Variants in KDM5A observed in about 807,000 individuals in gnomAD.
KDM5A encodes the protein lysine demethylase 5A, also known as lysine-specific demethylase 5A.
In KDM5A, 42 loss-of-function variants were observed where a neutral mutation model predicts 193.5. That is an observed-to-expected ratio of 0.22 (90% CI 0.17 to 0.28). The LOEUF is 0.28. Among genes scored for constraint, KDM5A ranks in the 10% least tolerant of loss-of-function variants. KDM5A has a pLI of 1.00. For synonymous variants in KDM5A, 796 were observed against 718.1 expected (o/e 1.11, Z -1.73); for missense variants, 1,692 against 2,055.1 (o/e 0.82, Z 3.42).
intron 2 of KDM5A, among the ~76,000 whole-genome samples, chr12:385,373 C>T (rs1010103117): frequency 6.6e-6 from 1 of 151,650 alleles, no homozygotes; most frequent in African/African-American, 2.4e-5. Flanking sequence ...CGTACACTTC[C>T]ATTTAGAAAA....
Position 357,827 on chromosome 12 carries a change from C to CAAAAAAAAAAA in KDM5A, c.673-1301_673-1291dup, listed in dbSNP as rs61577928. ...TGGGCGACAGAGCAAGACTCAGTCTCAAAAAAAAAAAAAAAAAAAAAAAAA... is the reference window on the plus strand; with the variant it reads ...TGGGCGACAGAGCAAGACTCAGTCTCAAAAAAAAAAAAAAAAAAAAAAAAAAAAAAAAAAAA... On this transcript the variant is annotated intron_variant, in intron 5 of 27. Coordinates refer to ENST00000399788, the MANE Select transcript of KDM5A (RefSeq NM_001042603.3). Among the ~76,000 whole-genome samples, 209 of 29,856 alleles carry CAAAAAAAAAAA rather than the reference C, an allele frequency of 7.0e-3. 56 individuals are homozygous for CAAAAAAAAAAA. Among genetic ancestry groups the CAAAAAAAAAAA allele is most frequent in the African/African-American group, 0.017 (85 of 4,978 alleles). 19.6% of individuals were successfully genotyped at this position (29,856 alleles called of 152,430 possible).
chr12:318,086 T>C lies in KDM5A; in HGVS notation c.2897+20A>G, dbSNP rs982099796. 1.3e-6 allele frequency: 2 copies of C among 1,580,840 alleles called. No individual in the cohort carries two copies. Among genetic ancestry groups the C allele is most frequent in the Non-Finnish European group, 1.7e-6 (2 of 1,149,678 alleles). On this transcript the variant is annotated intron_variant, in intron 19 of 27. Transcript: ENST00000399788. ...CTGACTTAGTTGTTAAAGAGGCAAC[T>C]GTCACCAAAATGTGTTCACCTTGCC...
Position 331,847 on chromosome 12 carries a change from T to C in KDM5A, c.1745A>G (p.Glu582Gly). ...SGFNQGYNFA[E>G]AVNFCTADWL... The stretch of plus-strand genomic sequence containing the variant: ...GTCAGCAGTACAGAAGTTCACAGCT[T>C]CAGCAAAGTTGTAGCCCTGGTTAAA... The change falls in exon 13 of 28, where the codon GAA becomes GGA. Residue 582 changes from glutamate to glycine, a missense_variant. Glu to Gly is a moderately conservative substitution (Grantham distance 98, BLOSUM62 -2). Transcript: ENST00000399788. The C allele has an allele frequency of 6.2e-7, 1 of 1,614,052 alleles. No individual in the cohort carries two copies. Among genetic ancestry groups the C allele is most frequent in the Non-Finnish European group, 8.5e-7 (1 of 1,179,954 alleles).
At position 374,774 on chromosome 12, in the gene KDM5A, G is replaced by A. The variant is rs539727868; in HGVS notation, c.367-8670C>T. Among the ~76,000 whole-genome samples, 3 of 152,246 alleles carry A rather than the reference G, an allele frequency of 2.0e-5. No homozygotes were observed. The East Asian group carries it at 5.8e-4, about 29-fold the overall frequency. On this transcript the variant is annotated intron_variant, in intron 3 of 27. Coordinates refer to ENST00000399788, the MANE Select transcript of KDM5A (RefSeq NM_001042603.3). The stretch of plus-strand genomic sequence containing the variant: ...GCTCTTGTAGGGCAGGCCTGGTGGT[G>A]ACAAAATCTCTCAGCATTTGCTTGT...
At chr12:369,238 C>A (rs1944395725) in intron 3 of KDM5A, among the ~76,000 whole-genome samples, 1 of 152,126 alleles carries the variant, frequency 6.6e-6, no homozygotes, top group South Asian at 2.1e-4. Context: ...GAGAAAGACA[C>A]AATGAAAATG....
intron 4 of KDM5A, 123 bp from the exon 5 acceptor site, chr12:363,220 T>C: frequency 8.9e-7 from 1 of 1,118,116 alleles, no homozygotes; most frequent in Non-Finnish European, 1.3e-6. Flanking sequence ...TTTCTCAAAC[T>C]GACATACAGC....
In KDM5A at chr12:388,905, C is replaced by T. The variant is rs150154719; in HGVS notation, c.165+22G>A. 1.2e-3 allele frequency: 1,923 copies of T among 1,614,006 alleles called. 10 individuals carry two copies. The Middle Eastern group carries it at 0.017, about 14-fold the overall frequency. On this transcript the variant is annotated intron_variant, in intron 1 of 27. Transcript: ENST00000399788. ...CTCCCCCATTCTTCCTTCTCCCCCT[C>T]TCTCTTCACAGACTGAGGTACCTTG...
At chr12:308,148 G>A in intron 22 of KDM5A, 143 bp from the exon 23 acceptor site, 2 of 804,468 alleles carry the variant, frequency 2.5e-6, no homozygotes, top group Non-Finnish European at 4.1e-6. Flanking sequence ...CGGTTTCCAT[G>A]CAAACATTCC....
At chr12:319,390 C>A (rs899827195) in intron 18 of KDM5A, among the ~76,000 whole-genome samples, 1 of 152,132 alleles carries the variant, frequency 6.6e-6, no homozygotes, top group Non-Finnish European at 1.5e-5. Context: ...GAGGTAATAG[C>A]AGCCAGCACT....
chr12:384,885 T>C (rs1471020090), intron 2 of KDM5A, among the ~76,000 whole-genome samples: 2 of 152,066 alleles, frequency 1.3e-5, no homozygotes, highest in Non-Finnish European at 2.9e-5. Context: ...TACAAGAGAC[T>C]AAAAAGAAAA....
chr12:360,564 A>T (rs1944281752), intron 5 of KDM5A, among the ~76,000 whole-genome samples: 1 of 152,204 alleles, frequency 6.6e-6, no homozygotes, highest in Non-Finnish European at 1.5e-5. Flanking sequence ...TTAAGATATG[A>T]AATGAAAAGG....
chr12:362,946 G>A lies in KDM5A; in HGVS notation c.672+17C>T. On this transcript the variant is annotated intron_variant, in intron 5 of 27. Transcript: ENST00000399788. Reference sequence around the variant, plus strand: ...CATCTTTATTTAAAAATTTAAAAAAGCCCAAGACATTGATACCTGAGTCTT... The same window carrying A: ...CATCTTTATTTAAAAATTTAAAAAAACCCAAGACATTGATACCTGAGTCTT... 6.2e-7 allele frequency: 1 copy of A among 1,612,992 alleles called. No individual in the cohort carries two copies. Among genetic ancestry groups the A allele is most frequent in the Non-Finnish European group, 8.5e-7 (1 of 1,179,018 alleles).
At chr12:363,486 C>T (rs1171564736) in intron 4 of KDM5A, among the ~76,000 whole-genome samples, 1 of 152,106 alleles carries the variant, frequency 6.6e-6, no homozygotes, top group African/African-American at 2.4e-5. Flanking sequence ...AACTGATCTC[C>T]AACAATGGTG....
At chr12:370,218 C>A (rs997377897) in intron 3 of KDM5A, among the ~76,000 whole-genome samples, 11 of 152,050 alleles carry the variant, frequency 7.2e-5, no homozygotes, top group Non-Finnish European at 1.5e-4. Flanking sequence ...CATGGTGAAA[C>A]CCTGTCTCTA....
At chr12:387,890 T>C (rs1305389701) in intron 1 of KDM5A, among the ~76,000 whole-genome samples, 2 of 152,196 alleles carry the variant, frequency 1.3e-5, no homozygotes, top group African/African-American at 4.8e-5. Context: ...AAAGCAACAC[T>C]GGTTAACAGT....
intron 14 of KDM5A, among the ~76,000 whole-genome samples, chr12:328,300 C>A (rs997826451): frequency 6.6e-6 from 1 of 152,110 alleles, no homozygotes; most frequent in Non-Finnish European, 1.5e-5. Flanking sequence ...AGCTAGCTAG[C>A]TATGTAGGAA....
chr12:291,846 G>A (rs983391679), intron 27 of KDM5A, among the ~76,000 whole-genome samples: 1 of 151,640 alleles, frequency 6.6e-6, no homozygotes, highest in Non-Finnish European at 1.5e-5. Flanking sequence ...TTTAAAGAAC[G>A]GCCATAAGAG....
intron 3 of KDM5A, among the ~76,000 whole-genome samples, chr12:376,388 G>A (rs1158648985): frequency 6.6e-6 from 1 of 152,260 alleles, no homozygotes; most frequent in Non-Finnish European, 1.5e-5. Context: ...CCAGGTGCAG[G>A]ATATAATCTC....
At chr12:325,638 C>G (rs1034801978) in intron 14 of KDM5A, among the ~76,000 whole-genome samples, 1 of 152,204 alleles carries the variant, frequency 6.6e-6, no homozygotes, top group Non-Finnish European at 1.5e-5. Context: ...CGTGCCACTG[C>G]ACTCCAACTC....
Sources: allele counts gnomAD v4.1 joint callset (sites outside exome capture counted in the v4.1 genomes callset), GRCh38; gene constraint gnomAD v4.1.1; transcripts MANE v1.5; gene names NCBI Gene and HGNC (gene_info 2026-07-23, HGNC 2026-07-21).